ERICH6: variants seen among roughly 807,000 people sequenced by gnomAD.
ERICH6 encodes the protein glutamate-rich protein 6.
Under a neutral mutation model 71.0 loss-of-function variants are expected in ERICH6, and 71 were observed. The observed-to-expected ratio is 1.00, with a 90% CI of 0.83 to 1.22. The LOEUF is 1.22. ERICH6 is among the 50% of genes most tolerant of loss of function. The probability of loss-of-function intolerance (pLI) is 0.00; values close to 1 mark genes in which losing one functional copy is unlikely to be tolerated. For missense variants in ERICH6, 808 were observed against 797.2 expected, an observed-to-expected ratio of 1.01 and a Z score of -0.16; for synonymous variants, 262 against 278.4, an observed-to-expected ratio of 0.94 and a Z score of 0.59.
At chr3:150,678,063 G>A (rs941216697) in intron 10 of ERICH6, among the ~76,000 whole-genome samples, 1 of 152,144 alleles carries the variant, frequency 6.6e-6, no homozygotes, top group African/African-American at 2.4e-5. Context: ...GCCAAATGTA[G>A]TATTGCTACC....
At position 150,680,053 on chromosome 3, in the gene ERICH6, C is replaced by T. The variant is rs1711836972; in HGVS notation, c.1111+415G>A. Among the ~76,000 whole-genome samples the T allele has an allele frequency of 2.6e-5, 4 of 152,194 alleles. No individual in the cohort carries two copies. The South Asian group carries it at 8.3e-4, about 32-fold the overall frequency. ...ATATGAGACAATGAACTTGAAAGCT[C>T]TTTGCAGTTATCTGTAAAGTGCTCT... On this transcript the variant is annotated intron_variant, in intron 9 of 13. Transcript: ENST00000295910.
chr3:150,701,232 T>G (rs1362988758), intron 2 of ERICH6, among the ~76,000 whole-genome samples: 4 of 152,162 alleles, frequency 2.6e-5, no homozygotes, highest in Non-Finnish European at 5.9e-5. Context: ...GATACTAAAA[T>G]TGATGAATCA....
At chr3:150,687,243 C>T (rs1412994942) in intron 3 of ERICH6, among the ~76,000 whole-genome samples, 2 of 152,242 alleles carry the variant, frequency 1.3e-5, no homozygotes, top group African/African-American at 4.8e-5. Flanking sequence ...AGAGATAATT[C>T]ATGTCCCAGG....
intron 3 of ERICH6, among the ~76,000 whole-genome samples, chr3:150,686,642 C>G (rs1381501396): frequency 2.0e-5 from 3 of 152,186 alleles, no homozygotes; most frequent in African/African-American, 7.2e-5. Context: ...TGAGTGGATG[C>G]CTGAAACTGC....
intron 3 of ERICH6, among the ~76,000 whole-genome samples, chr3:150,687,623 G>A (rs1712252543): frequency 6.6e-6 from 1 of 152,150 alleles, no homozygotes; most frequent in African/African-American, 2.4e-5. Flanking sequence ...CTGGAAATGG[G>A]GAAGAAGCCA....
At chr3:150,674,284 ATT>A (rs138154739) in intron 10 of ERICH6, among the ~76,000 whole-genome samples, 6 of 144,784 alleles carry the variant, frequency 4.1e-5, no homozygotes, top group Admixed American at 1.4e-4. Context: ...ATCTATTTTA[ATT>A]TTTTTTTTTT....
intron 10 of ERICH6, 94 bp downstream of exon 10, chr3:150,678,315 G>A: frequency 8.3e-7 from 1 of 1,201,166 alleles, no homozygotes; most frequent in Non-Finnish European, 1.1e-6. Context: ...CTAGTTAAAT[G>A]CATCATGTAG....
chr3:150,698,450 A>T (rs1712735423), intron 3 of ERICH6, among the ~76,000 whole-genome samples: 1 of 152,278 alleles, frequency 6.6e-6, no homozygotes, highest in Non-Finnish European at 1.5e-5. Flanking sequence ...TTTGACATTT[A>T]AAAAGTGTGC....
intron 3 of ERICH6, among the ~76,000 whole-genome samples, 191 bp from the exon 4 acceptor site, chr3:150,686,545 T>G (rs1712199259): frequency 6.6e-6 from 1 of 152,240 alleles, no homozygotes; most frequent in South Asian, 2.1e-4. Flanking sequence ...GCATTCTATA[T>G]ATCACATTTT....
At chr3:150,691,086 G>A (rs1712413054) in intron 3 of ERICH6, among the ~76,000 whole-genome samples, 1 of 152,172 alleles carries the variant, frequency 6.6e-6, no homozygotes, top group African/African-American at 2.4e-5. Context: ...AAGCAAGATG[G>A]AATCAGTTGG....
chr3:150,673,624 C>T (rs116663034), intron 11 of ERICH6, among the ~76,000 whole-genome samples: 3,600 of 151,872 alleles, frequency 0.024, 168 homozygotes, highest in African/African-American at 0.081. Context: ...GGTCCCACTT[C>T]GTTGCCCATG....
intron 7 of ERICH6, 75 bp from the exon 8 acceptor site, chr3:150,681,005 A>G: frequency 6.9e-7 from 1 of 1,441,550 alleles, no homozygotes. Context: ...AATGACTAAC[A>G]AGGTTTGGAT....
At chr3:150,660,472 G>A (rs147390132) in intron 13 of ERICH6, among the ~76,000 whole-genome samples, 12 of 152,152 alleles carry the variant, frequency 7.9e-5, no homozygotes, top group Admixed American at 5.9e-4. Flanking sequence ...AGTACCCAGT[G>A]GGGGAGGTAG....
intron 1 of ERICH6, among the ~76,000 whole-genome samples, chr3:150,702,703 A>G (rs937191484): frequency 1.3e-5 from 2 of 152,152 alleles, no homozygotes; most frequent in African/African-American, 4.8e-5. Flanking sequence ...AGAATTATCC[A>G]GACCAAAATG....
Position 150,685,877 on chromosome 3 carries a change from AG to A in ERICH6, c.667-20del. ...CCTTAAACTAAATTTAAAAAGAGAA[AG>A]GGGTGGTGAGGGGAAATAATTGAAG... On this transcript the variant is annotated intron_variant, in intron 5 of 13. Transcript: ENST00000295910. 6.2e-7 allele frequency: 1 copy of A among 1,610,008 alleles called. No individual in the cohort carries two copies. The highest frequency in any genetic ancestry group is 8.5e-7 in the Non-Finnish European group (1 of 1,176,670).
chr3:150,686,192 G>A lies in ERICH6; in HGVS notation c.610+106C>T, dbSNP rs1712178507. 3.7e-6 allele frequency: 5 copies of A among 1,362,412 alleles called. No individual in the cohort carries two copies. In the African/African-American group the frequency reaches 5.7e-5, roughly 16 times the overall value. 84.4% of individuals were successfully genotyped at this position (1,362,412 alleles called of 1,614,324 possible). On this transcript the variant is annotated intron_variant, in intron 4 of 13. Coordinates refer to ENST00000295910, the MANE Select transcript of ERICH6 (RefSeq NM_152394.5). ...CGCCACCTTCTCACACCTGTTCTTA[G>A]GTGAGTCCTTTTTCAAAGCAGATGG...
intron 7 of ERICH6, among the ~76,000 whole-genome samples, chr3:150,682,015 G>A (rs901170592): frequency 1.1e-4 from 16 of 151,708 alleles, no homozygotes; most frequent in South Asian, 6.2e-4. Context: ...GGGTTTCACC[G>A]TGTTGCCCAG....
chr3:150,699,999 A>G (rs73004858), intron 2 of ERICH6, among the ~76,000 whole-genome samples: 2,639 of 152,264 alleles, frequency 0.017, 73 homozygotes, highest in African/African-American at 0.059. Context: ...ATTATATATC[A>G]GAATGGTCTG....
intron 13 of ERICH6, among the ~76,000 whole-genome samples, chr3:150,663,264 G>A (rs1193761262): frequency 6.6e-6 from 1 of 152,200 alleles, no homozygotes; most frequent in Non-Finnish European, 1.5e-5. Context: ...AATGTGAGAA[G>A]TGTGAGACTC....
Sources: gnomAD v4.1 joint callset for allele counts (sites outside exome capture counted in the v4.1 genomes callset) on GRCh38, gnomAD v4.1.1 for gene constraint, MANE v1.5 for transcripts, NCBI Gene and HGNC (gene_info 2026-07-23, HGNC 2026-07-21) for gene names.